The following NAALADL2 variants were observed in gnomAD, a reference collection of about 807,000 sequenced individuals.
The protein encoded by NAALADL2 is inactive N-acetylated-alpha-linked acidic dipeptidase-like protein 2.
In NAALADL2, 76 loss-of-function variants were observed where a neutral mutation model predicts 87.2. The ratio of observed to expected loss-of-function variants is 0.87; its 90% confidence interval spans 0.72 to 1.05. The LOEUF is 1.05. Among genes scored for constraint, NAALADL2 ranks in the 50% least tolerant of loss-of-function variants. The pLI is 0.00. For missense variants in NAALADL2, 1,089 were observed against 945.8 expected (o/e 1.15, Z -1.99); for synonymous variants, 354 against 331.0 (o/e 1.07, Z -0.75).
intron 2 of NAALADL2, among the ~76,000 whole-genome samples, chr3:175,132,000 A>AC (rs575345948): frequency 0.18 from 13,164 of 72,770 alleles, 2,104 homozygotes; most frequent in East Asian, 0.28. Flanking sequence ...AGGGGGACTG[A>AC]CCCCCCCACC....
chr3:175,062,476 CTGTGTGTGTGTGTGTG>C (rs71792051), intron 1 of NAALADL2, among the ~76,000 whole-genome samples: 41 of 131,566 alleles, frequency 3.1e-4, no homozygotes, highest in African/African-American at 7.8e-4. Context: ...GGAAGTTTGG[CTGTGTGTGTGTGTGTG>C]TGTGTGTGTG....
chr3:175,346,027 T>C (rs976937574), intron 5 of NAALADL2, among the ~76,000 whole-genome samples: 2 of 152,178 alleles, frequency 1.3e-5, no homozygotes, highest in Non-Finnish European at 2.9e-5. Context: ...AGGAAATTCA[T>C]GAGAAAGTGT....
intron 1 of NAALADL2, among the ~76,000 whole-genome samples, chr3:175,090,152 G>T (rs1398830448): frequency 6.6e-6 from 1 of 151,874 alleles, no homozygotes; most frequent in Non-Finnish European, 1.5e-5. Context: ...ACAACAAAAA[G>T]GACCAAGAAA....
intron 2 of NAALADL2, among the ~76,000 whole-genome samples, chr3:174,702,909 A>T (rs534020054): frequency 6.6e-6 from 1 of 152,328 alleles, no homozygotes; most frequent in South Asian, 2.1e-4. Flanking sequence ...AAGGGAAAAG[A>T]TTAAGAGATG....
intron 2 of NAALADL2, among the ~76,000 whole-genome samples, chr3:175,140,650 C>T (rs983266314): frequency 3.9e-5 from 6 of 152,142 alleles, no homozygotes; most frequent in South Asian, 2.1e-4. Flanking sequence ...GAAAACATTA[C>T]GTTTGGCTGG....
At chr3:175,617,600 T>C (rs1191245818) in intron 10 of NAALADL2, among the ~76,000 whole-genome samples, 1 of 152,160 alleles carries the variant, frequency 6.6e-6, no homozygotes, top group Non-Finnish European at 1.5e-5. Flanking sequence ...CTTGCATCTA[T>C]TTTCCCTCTC....
At chr3:175,071,595 A>G (rs1326669046) in intron 1 of NAALADL2, among the ~76,000 whole-genome samples, 1 of 152,000 alleles carries the variant, frequency 6.6e-6, no homozygotes, top group African/African-American at 2.4e-5. Flanking sequence ...AACATGCTTG[A>G]TAAGTTTAGT....
chr3:174,905,314 G>A (rs991833293), intron 1 of NAALADL2, among the ~76,000 whole-genome samples: 14 of 151,704 alleles, frequency 9.2e-5, no homozygotes, highest in African/African-American at 3.1e-4. Context: ...ATCATATATT[G>A]CTTAATTTGG....
intron 2 of NAALADL2, among the ~76,000 whole-genome samples, chr3:174,718,541 T>C (rs1222320920): frequency 6.6e-6 from 1 of 152,156 alleles, no homozygotes; most frequent in African/African-American, 2.4e-5. Flanking sequence ...AGAAACCATC[T>C]TCCAAAAAGT....
intron 2 of NAALADL2, among the ~76,000 whole-genome samples, chr3:174,646,674 CTT>C (rs1405959793): frequency 6.6e-6 from 1 of 151,874 alleles, no homozygotes; most frequent in Non-Finnish European, 1.5e-5. Context: ...AGCACAGTAA[CTT>C]TTCTTTATGA....
At chr3:175,233,295 C>G (rs16824935) in intron 2 of NAALADL2, among the ~76,000 whole-genome samples, 23,315 of 151,958 alleles carry the variant, frequency 0.15, 2,221 homozygotes, top group Admixed American at 0.25. Context: ...TGGAATGACA[C>G]CTAGATTTTG....
intron 6 of NAALADL2, among the ~76,000 whole-genome samples, chr3:175,457,457 G>T (rs981312610): frequency 1.3e-5 from 2 of 152,044 alleles, no homozygotes; most frequent in Admixed American, 1.3e-4. Context: ...TTAGCCACTA[G>T]TATTTGTGTT....
At chr3:174,772,201 A>G (rs550130) in intron 3 of NAALADL2, among the ~76,000 whole-genome samples, 80,358 of 152,028 alleles carry the variant, frequency 0.53, 21,624 homozygotes, top group Middle Eastern at 0.64. Flanking sequence ...AATATATTCA[A>G]TGTCATTGGA....
At chr3:174,813,350 C>CTGGGCAATGTGTGGCCCA (rs1553862919) in intron 3 of NAALADL2, among the ~76,000 whole-genome samples, 1 of 151,822 alleles carries the variant, frequency 6.6e-6, no homozygotes, top group Non-Finnish European at 1.5e-5. Flanking sequence ...TAAAGTGGAC[C>CTGGGCAATGTGTGGCCCA]TGGGCCATGG....
chr3:175,250,131 T>C (rs1039913042), intron 3 of NAALADL2, among the ~76,000 whole-genome samples: 3 of 148,578 alleles, frequency 2.0e-5, no homozygotes, highest in African/African-American at 7.5e-5. Context: ...ATCGTGCCAC[T>C]GCACTCCAGC....
intron 2 of NAALADL2, among the ~76,000 whole-genome samples, chr3:174,581,743 A>G (rs1325349627): frequency 6.6e-6 from 1 of 152,148 alleles, no homozygotes; most frequent in Non-Finnish European, 1.5e-5. Context: ...AGGTAGTCAC[A>G]TGACTAGTTC....
At chr3:175,542,251 T>C (rs762106576) in intron 9 of NAALADL2, among the ~76,000 whole-genome samples, 4 of 152,216 alleles carry the variant, frequency 2.6e-5, no homozygotes, top group Non-Finnish European at 5.9e-5. Flanking sequence ...AAGAAGTTTC[T>C]AGACACAGGA....
intron 2 of NAALADL2, among the ~76,000 whole-genome samples, chr3:174,607,982 C>A (rs1361100586): frequency 6.6e-6 from 1 of 152,130 alleles, no homozygotes; most frequent in Non-Finnish European, 1.5e-5. Context: ...GACCACAGTG[C>A]AATCAAACTA....
At chr3:174,804,305 C>T (rs565357780) in intron 3 of NAALADL2, among the ~76,000 whole-genome samples, 3 of 152,170 alleles carry the variant, frequency 2.0e-5, no homozygotes, top group South Asian at 2.1e-4. Flanking sequence ...GTGATTTTTG[C>T]ACATTGATTT....
Sources: gnomAD v4.1 joint callset for allele counts (sites outside exome capture counted in the v4.1 genomes callset) on GRCh38, gnomAD v4.1.1 for gene constraint, MANE v1.5 for transcripts, NCBI Gene and HGNC (gene_info 2026-07-23, HGNC 2026-07-21) for gene names.